Variants in PCDHA3 observed in about 807,000 individuals in gnomAD.
PCDHA3 encodes protocadherin alpha 3, also known as protocadherin alpha-3.
Under a neutral mutation model 62.2 loss-of-function variants are expected in PCDHA3, and 41 were observed. The ratio of observed to expected loss-of-function variants is 0.66; its 90% CI spans 0.51 to 0.86. The LOEUF is 0.86. Ranked by LOEUF, PCDHA3 falls within the 40% of genes least tolerant of loss-of-function variation. The probability of loss-of-function intolerance (pLI) is 0.00; values close to 1 mark genes in which losing one functional copy is unlikely to be tolerated. For missense variants in PCDHA3, 1,304 were observed against 1,241.2 expected (o/e 1.05, Z -0.76); for synonymous variants, 640 against 555.4 (o/e 1.15, Z -2.14).
chr5:140,938,025 C>A (rs1431326044), intron 1 of PCDHA3, among the ~76,000 whole-genome samples: 5 of 151,978 alleles, frequency 3.3e-5, no homozygotes, highest in Non-Finnish European at 7.4e-5. Context: ...AGTAAAATCT[C>A]ATATTTTTAT....
chr5:140,869,813 A>G, intron 1 of PCDHA3: 2 of 1,612,416 alleles, frequency 1.2e-6, no homozygotes, highest in Non-Finnish European at 1.7e-6. Context: ...GATGTCAACG[A>G]CAATGATCCA....
intron 1 of PCDHA3, among the ~76,000 whole-genome samples, chr5:140,962,592 G>C (rs1318639328): frequency 1.3e-5 from 2 of 152,164 alleles, no homozygotes; most frequent in Non-Finnish European, 2.9e-5. Flanking sequence ...ATATTTGACT[G>C]ATATATTTCT....
At chr5:140,979,865 G>C (rs2096867408) in intron 2 of PCDHA3, among the ~76,000 whole-genome samples, 1 of 152,162 alleles carries the variant, frequency 6.6e-6, no homozygotes, top group Non-Finnish European at 1.5e-5. Flanking sequence ...CAAAATATCT[G>C]GGCAACTATC....
chr5:140,870,806 A>C (rs546684407), intron 1 of PCDHA3: 10 of 1,613,686 alleles, frequency 6.2e-6, no homozygotes, highest in Admixed American at 5.0e-5. Flanking sequence ...CTGGCGACTC[A>C]GGCTGGCAGC....
rs782603015 is a variant in PCDHA3 at position 140,803,057 on chromosome 5, C to G, written c.1860C>G (p.Ile620Met). The G allele has an allele frequency of 6.2e-7, 1 of 1,613,884 alleles. No individual in the cohort carries two copies. The highest frequency in any genetic ancestry group is 1.3e-5 in the African/African-American group (1 of 74,952). Residue 620 changes from isoleucine (I) to methionine (M), a missense_variant, in exon 1 of 4, where the codon ATC (isoleucine) becomes ATG (methionine). Physicochemically the swap from Ile to Met is conservative, Grantham distance 10. Transcript: ENST00000522353. Reference sequence around the variant, plus strand: ...AGCCTGGGACCGGCGGTGCGCGCATCCCGTTTCGCGTGGGGCTGTACACGG... The same window carrying G: ...AGCCTGGGACCGGCGGTGCGCGCATGCCGTTTCGCGTGGGGCTGTACACGG... ...ELQPGTGGAR[I>M]PFRVGLYTGE...
chr5:140,968,232 G>T, intron 1 of PCDHA3: 2 of 1,613,990 alleles, frequency 1.2e-6, no homozygotes, highest in Non-Finnish European at 1.7e-6. Context: ...GTGTTGCTCT[G>T]TACTGTGCAA....
intron 1 of PCDHA3, chr5:140,807,871 A>T: frequency 6.2e-7 from 1 of 1,614,112 alleles, no homozygotes. Flanking sequence ...CCGTTCAGTT[A>T]CTCATCACAG....
intron 1 of PCDHA3, among the ~76,000 whole-genome samples, chr5:140,970,589 C>T (rs74994687): frequency 6.6e-6 from 1 of 152,198 alleles, no homozygotes; most frequent in East Asian, 1.9e-4. Flanking sequence ...CAGAGATATG[C>T]TTTGTGATAC....
At position 140,832,752 on chromosome 5, in the gene PCDHA3, A is replaced by T. The variant is rs2150203756; in HGVS notation, c.2394+29161A>T. Among the ~76,000 whole-genome samples the T allele has an allele frequency of 2.0e-5, 3 of 152,322 alleles. No individual in the cohort carries two copies. In the East Asian group the frequency reaches 5.8e-4, roughly 29 times the overall value. ...ATCCTACATAAATACGATGATAGTA[A>T]AAGCAAGAATATTGTAAGAGGTGCT... is the stretch of plus-strand genomic sequence containing the variant. On this transcript the variant is annotated intron_variant, in intron 1 of 3. Coordinates refer to ENST00000522353, the MANE Select transcript of PCDHA3 (RefSeq NM_018906.3).
At chr5:140,836,227 C>T in intron 1 of PCDHA3, 2 of 1,613,736 alleles carry the variant, frequency 1.2e-6, no homozygotes, top group South Asian at 1.1e-5. Context: ...CAACCGGTGG[C>T]GGCCGGTGCG....
chr5:140,851,635 T>TG lies in PCDHA3; in HGVS notation c.2394+48044_2394+48045insG, dbSNP rs758488624. On this transcript the variant is annotated intron_variant, in intron 1 of 3. Coordinates refer to ENST00000522353, the MANE Select transcript of PCDHA3 (RefSeq NM_018906.3). ...AGAAAATGCTTTTTAAACAAGTGTTTCCTTTCTTCAAGAAGACATTCTCCT... is the reference window on the plus strand; with the variant it reads ...AGAAAATGCTTTTTAAACAAGTGTTTGCCTTTCTTCAAGAAGACATTCTCCT... 201 of 917,124 alleles carry TG rather than the reference T, an allele frequency of 2.2e-4. 10 individuals are homozygous for TG. The highest frequency in any genetic ancestry group is 3.2e-4 in the Admixed American group (5 of 15,868). The allele number at this position is 917,124 out of a possible 1,614,324, so 56.8% of individuals were successfully genotyped here. A position where few individuals can be genotyped will look rare whatever the true frequency, so the allele number is the denominator to read the frequency against.
At chr5:140,848,361 A>G in intron 1 of PCDHA3, 1 of 1,069,062 alleles carries the variant, frequency 9.4e-7, no homozygotes, top group East Asian at 2.4e-5. Context: ...TTCCCATGGG[A>G]AAGAGGCTCA....
chr5:140,830,572 T>G (rs1012149476), intron 1 of PCDHA3: 1 of 871,720 alleles, frequency 1.1e-6, no homozygotes, highest in Non-Finnish European at 1.6e-6. Context: ...TTTCTGTTTT[T>G]AATTTTTAAT....
chr5:140,864,277 T>C (rs1203382304), intron 1 of PCDHA3: 1 of 152,228 alleles, frequency 6.6e-6, no homozygotes, highest in African/African-American at 2.4e-5. Context: ...CTCCATTCCT[T>C]ATTGTTTTTA....
At chr5:140,925,508 A>C (rs1244251216) in intron 1 of PCDHA3, among the ~76,000 whole-genome samples, 1 of 152,138 alleles carries the variant, frequency 6.6e-6, no homozygotes, top group African/African-American at 2.4e-5. Flanking sequence ...ATATCCACGC[A>C]AAAGACCAAA....
At chr5:140,898,450 C>G (rs1276825221) in intron 1 of PCDHA3, among the ~76,000 whole-genome samples, 4 of 152,148 alleles carry the variant, frequency 2.6e-5, no homozygotes, top group Non-Finnish European at 4.4e-5. Flanking sequence ...ATAGGGAATC[C>G]TTTCCCCATT....
intron 1 of PCDHA3, chr5:140,863,098 A>C (rs781829362): frequency 1.7e-6 from 1 of 578,270 alleles, no homozygotes; most frequent in Non-Finnish European, 3.4e-6. Context: ...CACGACGAGT[A>C]CCCTGGACGA....
At chr5:140,807,786 T>G in intron 1 of PCDHA3, 2 of 1,614,120 alleles carry the variant, frequency 1.2e-6, no homozygotes, top group South Asian at 2.2e-5. Flanking sequence ...CGGAAATCTT[T>G]AGACAGAGAA....
rs372349337 is a variant in PCDHA3, at chr5:140,882,421, C to A, written c.2394+78830C>A. On this transcript the variant is annotated intron_variant, in intron 1 of 3. Transcript: ENST00000522353. ...CCTTCGTGGGCCGCATCGCTCAGGA[C>A]CTGGGGCTGGAGCTGGCGGAGCTGG... is the stretch of plus-strand genomic sequence containing the variant. 5.0e-6 allele frequency: 8 copies of A among 1,613,986 alleles called. No homozygotes were observed. The African/African-American group carries it at 8.0e-5, about 16-fold the overall frequency.
Sources: allele counts gnomAD v4.1 joint callset (sites outside exome capture counted in the v4.1 genomes callset), GRCh38; gene constraint gnomAD v4.1.1; transcripts MANE v1.5; gene names NCBI Gene and HGNC (gene_info 2026-07-23, HGNC 2026-07-21).